COL4A3: variants seen among roughly 807,000 people sequenced by gnomAD.
COL4A3 encodes collagen type IV alpha 3 chain, also known as collagen alpha-3(IV) chain.
In COL4A3, 135 loss-of-function variants were observed where a neutral mutation model predicts 217.4. The ratio of observed to expected loss-of-function variants is 0.62; its 90% CI spans 0.54 to 0.72. COL4A3 has a LOEUF of 0.72. COL4A3 is among the 30% of genes least tolerant of loss of function. The pLI is 0.00. For synonymous variants in COL4A3, 690 were observed against 736.3 expected (o/e 0.94, Z 1.02); for missense variants, 1,868 against 2,119.9 (o/e 0.88, Z 2.33).
intron 19 of COL4A3, chr2:227,260,183 C>A: frequency 1.9e-6 from 1 of 514,596 alleles, no homozygotes; most frequent in East Asian, 4.3e-5. Flanking sequence ...AATGGGATTA[C>A]GAAGGGAAAA....
At chr2:227,306,612 G>C (rs1206953566) in intron 47 of COL4A3, among the ~76,000 whole-genome samples, 1 of 152,122 alleles carries the variant, frequency 6.6e-6, no homozygotes, top group African/African-American at 2.4e-5. Context: ...AACCACTCAA[G>C]GTCCCTGGAG....
At chr2:227,201,036 T>C (rs1042538723) in intron 1 of COL4A3, among the ~76,000 whole-genome samples, 1 of 152,248 alleles carries the variant, frequency 6.6e-6, no homozygotes, top group African/African-American at 2.4e-5. Flanking sequence ...CATTTAATTT[T>C]AATGTAATAA....
rs764210323 is a variant in COL4A3, at chr2:227,259,815, A to C, written c.1052A>C (p.Gln351Pro). Reference sequence around the variant, plus strand: ...AAGACAGAATATTATGACACATACCAGGAAAAGGGAGATGAAGGCACTCCA... The same window carrying C: ...AAGACAGAATATTATGACACATACCCGGAAAAGGGAGATGAAGGCACTCCA... ...RGPTEYYDTY[Q>P]EKGDEGTPGP... The change falls in exon 19 of 52, where the codon CAG (glutamine) becomes CCG (proline). Residue 351 changes from glutamine to proline, a missense_variant. Coordinates refer to ENST00000396578, the MANE Select transcript of COL4A3 (RefSeq NM_000091.5). The C allele has an allele frequency of 2.0e-5, 32 of 1,613,114 alleles. No homozygotes were observed. The highest frequency in any genetic ancestry group is 2.7e-5 in the Non-Finnish European group (32 of 1,179,166).
Position 227,261,077 on chromosome 2 carries a change from C to T in COL4A3, c.1115-5C>T, listed in dbSNP as rs754325947. 1 of 1,610,076 alleles carries T rather than the reference C, an allele frequency of 6.2e-7. No individual in the cohort carries two copies. Among genetic ancestry groups the T allele is most frequent in the Non-Finnish European group, 8.5e-7 (1 of 1,176,336 alleles). ...AAGCAATTAATTAATGTTATATATT[C>T]CCAGGTCCCAGTGGTCCCCCCGGAG... is the stretch of plus-strand genomic sequence containing the variant. On this transcript the variant is annotated splice_region_variant and splice_polypyrimidine_tract_variant and intron_variant, in intron 19 of 51. Coordinates refer to ENST00000396578, the MANE Select transcript of COL4A3 (RefSeq NM_000091.5).
chr2:227,258,495 T>G (rs1344936847), intron 18 of COL4A3, among the ~76,000 whole-genome samples: 2 of 152,188 alleles, frequency 1.3e-5, no homozygotes, highest in African/African-American at 2.4e-5. Context: ...GAACAGAAAT[T>G]TATTTTCACA....
At chr2:227,288,048 G>C (rs1165143022) in intron 34 of COL4A3, among the ~76,000 whole-genome samples, 1 of 152,202 alleles carries the variant, frequency 6.6e-6, no homozygotes, top group Non-Finnish European at 1.5e-5. Flanking sequence ...GCTTCATGCT[G>C]CCGAAAGAGT....
chr2:227,174,427 T>C (rs1294546548), intron 1 of COL4A3, among the ~76,000 whole-genome samples: 1 of 152,210 alleles, frequency 6.6e-6, no homozygotes, highest in Non-Finnish European at 1.5e-5. Flanking sequence ...GGTGACAACA[T>C]ATTTATAGCA....
At chr2:227,237,753 A>C (rs886375820) in intron 1 of COL4A3, 3 of 471,228 alleles carry the variant, frequency 6.4e-6, no homozygotes, top group African/African-American at 2.0e-5. Flanking sequence ...TTCTTATCCG[A>C]CATTTCTCCC....
At chr2:227,204,178 A>T (rs931370122) in intron 1 of COL4A3, among the ~76,000 whole-genome samples, 4 of 152,178 alleles carry the variant, frequency 2.6e-5, no homozygotes, top group Non-Finnish European at 4.4e-5. Context: ...GGGTGACTTT[A>T]AGAAAATTAC....
intron 1 of COL4A3, among the ~76,000 whole-genome samples, chr2:227,172,780 T>C (rs1217095799): frequency 6.6e-6 from 1 of 151,782 alleles, no homozygotes; most frequent in African/African-American, 2.4e-5. Context: ...AGAGATGGGG[T>C]TTCACCATGT....
At chr2:227,247,885 T>C (rs868670032) in intron 8 of COL4A3, among the ~76,000 whole-genome samples, 7 of 152,160 alleles carry the variant, frequency 4.6e-5, no homozygotes, top group Non-Finnish European at 7.4e-5. Flanking sequence ...ATTGTCACTA[T>C]TTTTGGTATC....
chr2:227,298,856 A>G, intron 43 of COL4A3, 44 bp downstream of exon 43: 3 of 1,552,974 alleles, frequency 1.9e-6, no homozygotes, highest in Non-Finnish European at 2.6e-6. Context: ...ATTCAATATC[A>G]ACTTATAATT....
rs1051371448 is a variant in COL4A3 at position 227,282,975 on chromosome 2, C to T, written c.2656+443C>T. Among the ~76,000 whole-genome samples, 1 of 152,124 alleles carries T rather than the reference C, an allele frequency of 6.6e-6. No individual in the cohort carries two copies. Among genetic ancestry groups the T allele is most frequent in the African/African-American group, 2.4e-5 (1 of 41,432 alleles). On this transcript the variant is annotated intron_variant, in intron 32 of 51. Transcript: ENST00000396578. This position sits in a 1 kb window ranked among gnomAD's most constrained non-coding sequence, Gnocchi z 4.4. The stretch of plus-strand genomic sequence containing the variant: ...CTCTTTAAACATTTGGTAGAATTCA[C>T]CAGTGAAGTTATCTGGGTCTGGGCA...
intron 1 of COL4A3, among the ~76,000 whole-genome samples, chr2:227,237,266 G>A (rs1433755405): frequency 6.6e-6 from 1 of 152,182 alleles, no homozygotes; most frequent in Non-Finnish European, 1.5e-5. Context: ...TTAAAGATGT[G>A]TAATGGGTAT....
chr2:227,295,209 A>C, intron 40 of COL4A3, 60 bp from the exon 41 acceptor site: 1 of 1,575,822 alleles, frequency 6.3e-7, no homozygotes, highest in South Asian at 1.1e-5. Context: ...AACTTTTCTC[A>C]TAGACATATA....
intron 1 of COL4A3, among the ~76,000 whole-genome samples, chr2:227,226,301 C>T (rs1295452436): frequency 6.6e-6 from 1 of 152,064 alleles, no homozygotes; most frequent in Admixed American, 6.6e-5. Flanking sequence ...AAATTGTATT[C>T]CCTGTGTCCC....
chr2:227,306,069 T>A (rs1256011372), intron 47 of COL4A3, among the ~76,000 whole-genome samples: 1 of 152,262 alleles, frequency 6.6e-6, no homozygotes, highest in Non-Finnish European at 1.5e-5. Context: ...GTGCTATTAA[T>A]CATTCAACTT....
At chr2:227,166,037 T>C (rs2065258295) in intron 1 of COL4A3, among the ~76,000 whole-genome samples, 1 of 152,264 alleles carries the variant, frequency 6.6e-6, no homozygotes, top group South Asian at 2.1e-4. Flanking sequence ...TACTGTGCTG[T>C]ATTCCTTTGC....
intron 1 of COL4A3, among the ~76,000 whole-genome samples, chr2:227,167,701 A>C (rs1171147365): frequency 6.6e-6 from 1 of 152,242 alleles, no homozygotes; most frequent in East Asian, 1.9e-4. Flanking sequence ...GTTAAATTAG[A>C]AAACAAAAAG....
Sources: allele counts gnomAD v4.1 joint callset (sites outside exome capture counted in the v4.1 genomes callset), GRCh38; gene constraint gnomAD v4.1.1; non-coding constraint Gnocchi (gnomAD v3.1); transcripts MANE v1.5; gene names NCBI Gene and HGNC (gene_info 2026-07-23, HGNC 2026-07-21).